Variants in LRIG1 observed in about 807,000 individuals in gnomAD.
LRIG1 encodes the protein leucine-rich repeats and immunoglobulin-like domains protein 1.
Under a neutral mutation model 99.2 loss-of-function variants are expected in LRIG1, and 48 were observed. The ratio of observed to expected loss-of-function variants is 0.48; its 90% CI spans 0.38 to 0.62. The LOEUF (loss-of-function observed/expected upper bound fraction) is 0.62. Ranked by LOEUF, LRIG1 falls within the 20% of genes least tolerant of loss-of-function variation. The probability of loss-of-function intolerance (pLI) is 0.00; values close to 1 mark genes in which losing one functional copy is unlikely to be tolerated. For missense variants in LRIG1, 1,646 were observed against 1,434.4 expected (o/e 1.15, Z -2.38); for synonymous variants, 772 against 596.1 (o/e 1.29, Z -4.30).
At chr3:66,417,393 C>A in intron 3 of LRIG1, 127 bp from the exon 4 acceptor site, 2 of 966,742 alleles carry the variant, frequency 2.1e-6, no homozygotes, top group Non-Finnish European at 3.1e-6. Context: ...AAAATGAGAT[C>A]TCCTGTTTCT....
rs1224557429 is a variant in LRIG1, at chr3:66,412,996, C to T, written c.666G>A (p.Arg222=). Residue 222 remains arginine, a synonymous_variant, in exon 6 of 19, where the codon AGG becomes AGA. Transcript: ENST00000273261. ...RLTQLDLNRN[R]IRLIEGLTFQ... ...AGGTGAGGCCCTCTATCAGCCGAAT[C>T]CTGTTCCGATTGAGGTCCCTAAAGA... 2 of 1,614,102 alleles carry T rather than the reference C, an allele frequency of 1.2e-6. No homozygotes were observed. The highest frequency in any genetic ancestry group is 1.7e-6 in the Non-Finnish European group (2 of 1,180,048).
rs148946048 is a variant in LRIG1, at chr3:66,382,293, T to C, written c.2597A>G (p.Asn866Ser). 1.1e-3 allele frequency: 1,798 copies of C among 1,614,196 alleles called. 10 individuals carry two copies. The African/African-American group carries it at 0.017, about 15-fold the overall frequency. The change falls in exon 16 of 19, where the codon AAT becomes AGT. Residue 866 changes from asparagine to serine, a missense_variant. Coordinates refer to ENST00000273261, the MANE Select transcript of LRIG1 (RefSeq NM_015541.3). Reference sequence around the variant, plus strand: ...CTTACCATTGCTCTCAATGTGCCCATTGGCCTGAGGGCCACCCTCGGTCCT... The same window carrying C: ...CTTACCATTGCTCTCAATGTGCCCACTGGCCTGAGGGCCACCCTCGGTCCT... ...VVRTEGGPQA[N>S]GHIESNGVCP...
At chr3:66,415,171 C>T (rs1264019219) in intron 4 of LRIG1, 108 bp from the exon 5 acceptor site, 1 of 1,124,164 alleles carries the variant, frequency 8.9e-7, no homozygotes, top group Non-Finnish European at 1.2e-6. Flanking sequence ...AGTTAAGACA[C>T]CAGAGGGACA....
At chr3:66,456,304 CAG>C (rs2106821202) in intron 2 of LRIG1, among the ~76,000 whole-genome samples, 1 of 152,312 alleles carries the variant, frequency 6.6e-6, no homozygotes, top group South Asian at 2.1e-4. Context: ...GCAGGAGGAC[CAG>C]GCATGGTGGC....
chr3:66,458,759 C>T (rs1700286437), intron 2 of LRIG1, among the ~76,000 whole-genome samples: 1 of 151,814 alleles, frequency 6.6e-6, no homozygotes, highest in Non-Finnish European at 1.5e-5. Flanking sequence ...GCTCATGCCT[C>T]TAATCCTAGC....
intron 2 of LRIG1, among the ~76,000 whole-genome samples, chr3:66,458,941 GAA>G (rs1444897918): frequency 2.7e-5 from 4 of 149,200 alleles, no homozygotes; most frequent in Non-Finnish European, 5.9e-5. Context: ...CACTTGAACC[GAA>G]GAGGCGGAGG....
intron 1 of LRIG1, 137 bp downstream of exon 1, chr3:66,500,053 T>A: frequency 1.5e-6 from 1 of 647,002 alleles, no homozygotes; most frequent in Admixed American, 3.6e-5. Context: ...CCTGACAGTC[T>A]TCCAACACGC....
At chr3:66,486,003 G>A (rs1292486336) in intron 1 of LRIG1, among the ~76,000 whole-genome samples, 3 of 152,126 alleles carry the variant, frequency 2.0e-5, no homozygotes, top group Non-Finnish European at 1.5e-5. Context: ...ACATGTACAC[G>A]CAGGTCTGAA....
At position 66,378,947 on chromosome 3, in the gene LRIG1, CCT is replaced by C. The variant is rs1179613220; in HGVS notation, c.*1314_*1315del. 6.6e-6 allele frequency: 1 copy of C among 152,588 alleles called. No homozygotes were observed. The highest frequency in any genetic ancestry group is 6.5e-5 in the Admixed American group (1 of 15,284). 9.5% of individuals were successfully genotyped at this position (152,588 alleles called of 1,614,324 possible). On this transcript the variant is annotated 3_prime_UTR_variant, in exon 19 of 19. Transcript: ENST00000273261. ...AAGTAATACTCCCTCTTTCACATTG[CCT>C]CTCAGAAGCAGCAAATTCACATATT...
At chr3:66,417,581 A>C (rs562715233) in intron 3 of LRIG1, 1 of 328,746 alleles carries the variant, frequency 3.0e-6, no homozygotes, top group Non-Finnish European at 5.8e-6. Flanking sequence ...GGATGCACTC[A>C]CCATAAAGGA....
At chr3:66,456,245 C>T (rs1348007807) in intron 2 of LRIG1, among the ~76,000 whole-genome samples, 1 of 152,164 alleles carries the variant, frequency 6.6e-6, no homozygotes, top group Admixed American at 6.5e-5. Context: ...AATAATTAAA[C>T]CTAAGATCTC....
chr3:66,497,752 C>T (rs1701262014), intron 1 of LRIG1, among the ~76,000 whole-genome samples: 1 of 142,962 alleles, frequency 7.0e-6, no homozygotes, highest in Non-Finnish European at 1.5e-5. Context: ...CACAGGTCCT[C>T]TGCTATCTCA....
intron 16 of LRIG1, 60 bp downstream of exon 16, chr3:66,382,213 C>G: frequency 6.2e-7 from 1 of 1,604,372 alleles, no homozygotes; most frequent in Non-Finnish European, 8.5e-7. Context: ...TGGAGGCCAC[C>G]TCCAGCACCC....
chr3:66,451,538 C>G, intron 3 of LRIG1, 21 bp downstream of exon 3: 1 of 1,612,710 alleles, frequency 6.2e-7, no homozygotes, highest in Non-Finnish European at 8.5e-7. Context: ...AGCCCAGAGT[C>G]CCCCAAACGG....
intron 3 of LRIG1, among the ~76,000 whole-genome samples, chr3:66,432,621 GCT>G (rs1703210666): frequency 1.3e-5 from 2 of 152,174 alleles, no homozygotes; most frequent in African/African-American, 4.8e-5. Context: ...CAACTCACTT[GCT>G]GAAGGTTACA....
intron 5 of LRIG1, among the ~76,000 whole-genome samples, chr3:66,414,475 C>T (rs1347554187): frequency 2.6e-5 from 4 of 152,014 alleles, no homozygotes; most frequent in African/African-American, 9.7e-5. Flanking sequence ...AAGACAAAGG[C>T]TTGTCTTTTG....
intron 7 of LRIG1, 139 bp downstream of exon 7, chr3:66,409,990 C>A: frequency 2.4e-6 from 2 of 819,004 alleles, no homozygotes; most frequent in Non-Finnish European, 1.9e-6. Flanking sequence ...CTGGGCCTGG[C>A]TGGTTTGGGA....
chr3:66,410,014 C>CCTGT, intron 7 of LRIG1, 115 bp downstream of exon 7: 1 of 1,124,776 alleles, frequency 8.9e-7, no homozygotes, highest in East Asian at 2.4e-5. Flanking sequence ...GGGCTACTGG[C>CCTGT]CTGTCTCTGA....
At chr3:66,474,773 A>C (rs777465837) in intron 1 of LRIG1, among the ~76,000 whole-genome samples, 5 of 152,200 alleles carry the variant, frequency 3.3e-5, no homozygotes, top group Admixed American at 6.5e-5. Flanking sequence ...GGTGGACCCT[A>C]GCGGCAAATT....
Sources: gnomAD v4.1 joint callset for allele counts (sites outside exome capture counted in the v4.1 genomes callset) on GRCh38, gnomAD v4.1.1 for gene constraint, MANE v1.5 for transcripts, NCBI Gene and HGNC (gene_info 2026-07-23, HGNC 2026-07-21) for gene names.